The following RARB variants were observed in gnomAD, a reference collection of about 807,000 sequenced individuals.
RARB encodes the protein retinoic acid receptor beta, also known as HBV-activated protein.
Under a neutral mutation model 51.9 loss-of-function variants are expected in RARB, and 17 were observed. The ratio of observed to expected loss-of-function variants is 0.33; its 90% CI spans 0.22 to 0.49. The LOEUF is 0.49. Among genes scored for constraint, RARB ranks in the 20% least tolerant of loss-of-function variants. The pLI is 0.99. For synonymous variants in RARB, 215 were observed against 195.4 expected, an observed-to-expected ratio of 1.10 and a Z score of -0.84; for missense variants, 369 against 550.8, an observed-to-expected ratio of 0.67 and a Z score of 3.30.
rs775782290 is a variant in RARB at position 25,418,478 on chromosome 3, G to A, written c.179-42715G>A. Among the ~76,000 whole-genome samples the A allele has an allele frequency of 1.6e-4, 24 of 152,008 alleles. 1 individual carries two copies. Among genetic ancestry groups the A allele is most frequent in the Non-Finnish European group, 2.8e-4 (19 of 68,002 alleles). On this transcript the variant is annotated intron_variant, in intron 5 of 11. Coordinates refer to the RARB transcript ENST00000383772. Reference sequence around the variant, plus strand: ...TGAAAAGAATAAATGAGACTCAGAAGGATTATGAATTTACCTAACCCGACC... The same window carrying A: ...TGAAAAGAATAAATGAGACTCAGAAAGATTATGAATTTACCTAACCCGACC...
intron 2 of RARB, among the ~76,000 whole-genome samples, chr3:24,890,845 T>G (rs1416903466): frequency 6.7e-6 from 1 of 149,794 alleles, no homozygotes; most frequent in Non-Finnish European, 1.5e-5. Flanking sequence ...GGCTCTGGAG[T>G]AATAAAAAAA....
rs139578940 is a variant in RARB at position 24,875,917 on chromosome 3, G to A, written c.-380+17165G>A. ...CTTTATTCCTCCCTTGTCCTTCAAG[G>A]TCTTCACACTTTTGAAAAGTAATAG... On this transcript the variant is annotated intron_variant, in intron 2 of 11. Transcript: ENST00000383772. 2.8e-3 allele frequency among the ~76,000 whole-genome samples: 433 copies of A among 152,012 alleles called. 2 individuals are homozygous for A. Among genetic ancestry groups the A allele is most frequent in the African/African-American group, 1.0e-2 (413 of 41,496 alleles).
intron 2 of RARB, among the ~76,000 whole-genome samples, chr3:24,890,969 A>G (rs1434969383): frequency 2.0e-5 from 3 of 152,182 alleles, no homozygotes; most frequent in Non-Finnish European, 4.4e-5. Flanking sequence ...ATTATTGGAT[A>G]GACACCCATT....
chr3:25,375,245 G>A (rs1706424323), intron 5 of RARB, among the ~76,000 whole-genome samples: 1 of 152,138 alleles, frequency 6.6e-6, no homozygotes, highest in African/African-American at 2.4e-5. Flanking sequence ...TAGCAGGTGA[G>A]CCAATATCTT....
chr3:25,355,711 C>T lies in RARB; in HGVS notation c.179-105482C>T, dbSNP rs1030555810. ...TATCAGACTGAAAGCAAAACGAAAG[C>T]AAGACATTGTGACCACAGCATTTTC... On this transcript the variant is annotated intron_variant, in intron 5 of 11. Transcript: ENST00000383772. Among the ~76,000 whole-genome samples, 14 of 152,170 alleles carry T rather than the reference C, an allele frequency of 9.2e-5. No homozygotes were observed. The South Asian group carries it at 2.7e-3, about 29-fold the overall frequency.
At position 25,595,409 on chromosome 3, in the gene RARB, T is replaced by C. The variant is rs73153305; in HGVS notation, c.1150+731T>C. ...TGCTTAAAAGCACAGGGAACTTGTT[T>C]GACAAGCAGTCTTAACTCGAGCTCC... On this transcript the variant is annotated intron_variant, in intron 7 of 7. Transcript: ENST00000330688. 5.1e-3 allele frequency among the ~76,000 whole-genome samples: 783 copies of C among 152,326 alleles called. 2 individuals are homozygous for C. The highest frequency in any genetic ancestry group is 0.017 in the African/African-American group (718 of 41,586).
At chr3:24,913,402 CTTTT>C (rs66779362) in intron 2 of RARB, among the ~76,000 whole-genome samples, 8 of 108,404 alleles carry the variant, frequency 7.4e-5, no homozygotes, top group African/African-American at 1.7e-4. Flanking sequence ...CTCTCTCTCT[CTTTT>C]TTTTTTTTTT....
intron 2 of RARB, among the ~76,000 whole-genome samples, chr3:24,953,315 AAAG>A (rs1269171760): frequency 2.0e-5 from 3 of 152,226 alleles, no homozygotes; most frequent in East Asian, 1.9e-4. Context: ...ATCAGAAAAA[AAAG>A]AAATGAAAAT....
At chr3:25,442,769 C>A (rs1280056419) in intron 1 of RARB, among the ~76,000 whole-genome samples, 1 of 152,102 alleles carries the variant, frequency 6.6e-6, no homozygotes, top group Non-Finnish European at 1.5e-5. Context: ...GTTTTGCTAA[C>A]ATTTAGTTTG....
intron 2 of RARB, among the ~76,000 whole-genome samples, chr3:24,881,863 T>G (rs1243546144): frequency 6.6e-6 from 1 of 152,134 alleles, no homozygotes; most frequent in Non-Finnish European, 1.5e-5. Flanking sequence ...TGAGGAGAGT[T>G]GTACTTCAGC....
At chr3:25,475,305 A>G (rs1277797686) in intron 2 of RARB, among the ~76,000 whole-genome samples, 1 of 151,798 alleles carries the variant, frequency 6.6e-6, no homozygotes, top group African/African-American at 2.4e-5. Context: ...TATCAGAAAT[A>G]TGAGCATTGG....
intron 3 of RARB, among the ~76,000 whole-genome samples, chr3:25,106,880 A>G (rs1363511115): frequency 6.9e-6 from 1 of 144,926 alleles, no homozygotes; most frequent in Non-Finnish European, 1.5e-5. Flanking sequence ...TTTTTCTAAA[A>G]CTGTTTGTGT....
At chr3:25,075,279 A>G (rs973614587) in intron 3 of RARB, among the ~76,000 whole-genome samples, 1 of 152,052 alleles carries the variant, frequency 6.6e-6, no homozygotes, top group Non-Finnish European at 1.5e-5. Context: ...CTGCTTCCCT[A>G]TACCCCGTCT....
intron 2 of RARB, among the ~76,000 whole-genome samples, chr3:24,951,311 T>C (rs1366252479): frequency 6.6e-6 from 1 of 152,090 alleles, no homozygotes; most frequent in Non-Finnish European, 1.5e-5. Flanking sequence ...CACAGTACTC[T>C]GAAGAACTGG....
intron 5 of RARB, among the ~76,000 whole-genome samples, chr3:25,286,732 T>C (rs1703665865): frequency 1.3e-5 from 2 of 152,222 alleles, no homozygotes; most frequent in South Asian, 4.1e-4. Context: ...AATTGTACTT[T>C]GAGAGTTGAC....
Position 25,127,906 on chromosome 3 carries a change from T to C in RARB, c.-327-4255T>C, listed in dbSNP as rs1369366944. ...GTTTTAGTAACACCATTAAGTTTCATTTTGAAAAACAAAAAAGCCACCATT... is the reference window on the plus strand; with the variant it reads ...GTTTTAGTAACACCATTAAGTTTCACTTTGAAAAACAAAAAAGCCACCATT... On this transcript the variant is annotated intron_variant, in intron 3 of 11. Transcript: ENST00000383772. Among the ~76,000 whole-genome samples, 3 of 152,114 alleles carry C rather than the reference T, an allele frequency of 2.0e-5. 1 individual carries two copies. Among genetic ancestry groups the C allele is most frequent in the Admixed American group, 2.0e-4 (3 of 15,266 alleles).
chr3:25,392,346 T>A (rs1706988460), intron 5 of RARB, among the ~76,000 whole-genome samples: 1 of 151,962 alleles, frequency 6.6e-6, no homozygotes, highest in Admixed American at 6.6e-5. Flanking sequence ...TTGTTGTTTT[T>A]GCTTCATCTG....
intron 3 of RARB, among the ~76,000 whole-genome samples, chr3:25,529,862 CTT>C (rs1553628588): frequency 6.6e-6 from 1 of 152,062 alleles, no homozygotes; most frequent in Non-Finnish European, 1.5e-5. Flanking sequence ...TTATGTATAA[CTT>C]ATATTCTTTT....
chr3:25,345,223 T>C (rs1705352971), intron 5 of RARB, among the ~76,000 whole-genome samples: 1 of 152,096 alleles, frequency 6.6e-6, no homozygotes, highest in Admixed American at 6.6e-5. Context: ...CTCTGGAGGT[T>C]TTTTGGTTTG....
Sources: gnomAD v4.1 joint callset for allele counts (sites outside exome capture counted in the v4.1 genomes callset) on GRCh38, gnomAD v4.1.1 for gene constraint, MANE v1.5 for transcripts, NCBI Gene and HGNC (gene_info 2026-07-23, HGNC 2026-07-21) for gene names.